DNAJC12: variants seen among roughly 807,000 people sequenced by gnomAD.
DNAJC12 encodes dnaJ homolog subfamily C member 12.
A neutral mutation model predicts 28.5 loss-of-function variants in DNAJC12; 25 were observed. That is an observed-to-expected ratio of 0.88 (90% CI 0.64 to 1.22). The LOEUF is 1.22. Among genes scored for constraint, DNAJC12 ranks in the 50% most tolerant of loss-of-function variants. DNAJC12 has a pLI of 0.00. For missense variants in DNAJC12, 222 were observed against 231.7 expected (o/e 0.96, Z 0.27); for synonymous variants, 77 against 80.6 (o/e 0.95, Z 0.24).
At chr10:67,812,125 G>A (rs999875093) in intron 2 of DNAJC12, among the ~76,000 whole-genome samples, 1 of 151,818 alleles carries the variant, frequency 6.6e-6, no homozygotes, top group Non-Finnish European at 1.5e-5. Context: ...AGACATGACT[G>A]AGGCACAATA....
At chr10:67,820,777 C>CTTTTTTTTTTT (rs71006170) in intron 2 of DNAJC12, among the ~76,000 whole-genome samples, 1 of 68,520 alleles carries the variant, frequency 1.5e-5, no homozygotes, top group African/African-American at 5.4e-5. Context: ...TTCTTTTTTC[C>CTTTTTTTTTTT]TTTTTTTTTT....
At chr10:67,813,160 C>T (rs755015550) in intron 2 of DNAJC12, among the ~76,000 whole-genome samples, 1 of 152,058 alleles carries the variant, frequency 6.6e-6, no homozygotes, top group Non-Finnish European at 1.5e-5. Context: ...TAAAAGAAAC[C>T]CAGACAACTC....
chr10:67,808,606 A>AACACAC (rs144660170), intron 3 of DNAJC12: 23 of 151,188 alleles, frequency 1.5e-4, no homozygotes, highest in African/African-American at 4.8e-4. Context: ...ATTCCATTAA[A>AACACAC]ACACACACAC....
At chr10:67,836,368 A>T (rs201122537) in intron 1 of DNAJC12, among the ~76,000 whole-genome samples, 2 of 142,622 alleles carry the variant, frequency 1.4e-5, no homozygotes, top group Admixed American at 1.4e-4. Context: ...AGTAAAATTG[A>T]AAAAAAAAAA....
At chr10:67,829,433 G>T (rs1256152139) in intron 1 of DNAJC12, among the ~76,000 whole-genome samples, 2 of 152,154 alleles carry the variant, frequency 1.3e-5, no homozygotes, top group Non-Finnish European at 2.9e-5. Flanking sequence ...GAGGTCAAGA[G>T]ATCGAGACCA....
intron 1 of DNAJC12, among the ~76,000 whole-genome samples, chr10:67,824,982 G>A (rs1485169489): frequency 2.6e-5 from 4 of 152,138 alleles, no homozygotes; most frequent in East Asian, 1.9e-4. Flanking sequence ...TGATCCACCC[G>A]CCTCAGCCTC....
intron 4 of DNAJC12, among the ~76,000 whole-genome samples, chr10:67,802,363 C>T (rs1841755705): frequency 6.6e-6 from 1 of 152,202 alleles, no homozygotes; most frequent in African/African-American, 2.4e-5. Flanking sequence ...CCCAAGAATT[C>T]TATCACAAGC....
At chr10:67,813,799 T>A (rs1841887038) in intron 2 of DNAJC12, among the ~76,000 whole-genome samples, 1 of 151,088 alleles carries the variant, frequency 6.6e-6, no homozygotes, top group South Asian at 2.1e-4. Flanking sequence ...ATAATATTTT[T>A]AAAAAATTGA....
chr10:67,833,366 T>C (rs1387539424), intron 1 of DNAJC12, among the ~76,000 whole-genome samples: 2 of 152,182 alleles, frequency 1.3e-5, no homozygotes, highest in African/African-American at 4.8e-5. Context: ...ATATTTGCTA[T>C]GCCAGGATCA....
intron 1 of DNAJC12, among the ~76,000 whole-genome samples, chr10:67,824,253 AAT>A (rs1394147415): frequency 1.1e-3 from 167 of 150,474 alleles, no homozygotes; most frequent in East Asian, 8.9e-3. Flanking sequence ...AAAAAAAAAA[AAT>A]ATTTAAATAC....
rs746006867 is a variant in DNAJC12 at position 67,811,512 on chromosome 10, C to A, written c.297+12G>T. 4 of 1,613,776 alleles carry A rather than the reference C, an allele frequency of 2.5e-6. No individual in the cohort carries two copies. Among genetic ancestry groups the A allele is most frequent in the South Asian group, 1.1e-5 (1 of 91,056 alleles). On this transcript the variant is annotated intron_variant, in intron 3 of 4. Coordinates refer to ENST00000225171, the MANE Select transcript of DNAJC12 (RefSeq NM_021800.3). ...CTTCACAAATTCACGTCGCACCCAG[C>A]GAGAAACCCACCGTCTTCACTGAGT...
chr10:67,808,502 G>T (rs1436276072), intron 3 of DNAJC12: 1 of 152,088 alleles, frequency 6.6e-6, no homozygotes, highest in African/African-American at 2.4e-5. Context: ...CTAGGAAATA[G>T]TGCTCGTCTC....
chr10:67,805,441 G>A, intron 4 of DNAJC12, 142 bp downstream of exon 4: 1 of 878,498 alleles, frequency 1.1e-6, no homozygotes, highest in Non-Finnish European at 1.7e-6. Flanking sequence ...CGGTGTCAAT[G>A]CTAAGTGTCT....
At chr10:67,815,904 A>G (rs1488522051) in intron 2 of DNAJC12, 9 of 393,628 alleles carry the variant, frequency 2.3e-5, no homozygotes, top group South Asian at 1.4e-4. Flanking sequence ...AAGAAAAAAG[A>G]AACCTTATCT....
At chr10:67,820,433 G>C (rs1470116551) in intron 2 of DNAJC12, among the ~76,000 whole-genome samples, 2 of 152,166 alleles carry the variant, frequency 1.3e-5, no homozygotes, top group African/African-American at 4.8e-5. Flanking sequence ...AATGGTGATA[G>C]AGATCAAAAA....
intron 1 of DNAJC12, among the ~76,000 whole-genome samples, chr10:67,826,551 TAA>T (rs1320713121): frequency 1.4e-5 from 2 of 142,058 alleles, no homozygotes; most frequent in African/African-American, 2.6e-5. Flanking sequence ...TCATTATATA[TAA>T]GATATCTAAT....
chr10:67,829,147 C>A (rs1396982753), intron 1 of DNAJC12, among the ~76,000 whole-genome samples: 1 of 152,026 alleles, frequency 6.6e-6, no homozygotes, highest in East Asian at 1.9e-4. Flanking sequence ...CAGACTCGGG[C>A]GGGGTATGCC....
chr10:67,820,116 A>T (rs1841968314), intron 2 of DNAJC12, among the ~76,000 whole-genome samples: 2 of 152,300 alleles, frequency 1.3e-5, no homozygotes, highest in South Asian at 4.1e-4. Context: ...TGAACCATGG[A>T]GTGTTTCAGG....
intron 1 of DNAJC12, among the ~76,000 whole-genome samples, chr10:67,832,833 A>G (rs1368744420): frequency 1.3e-5 from 2 of 152,214 alleles, no homozygotes; most frequent in Non-Finnish European, 2.9e-5. Flanking sequence ...AAAACCTAGC[A>G]GAAGACACCT....
Sources: gnomAD v4.1 joint callset for allele counts (sites outside exome capture counted in the v4.1 genomes callset) on GRCh38, gnomAD v4.1.1 for gene constraint, MANE v1.5 for transcripts, NCBI Gene and HGNC (gene_info 2026-07-23, HGNC 2026-07-21) for gene names.